Variants in AHRR observed in about 807,000 individuals in gnomAD.
The protein encoded by AHRR is ahR repressor.
Under a neutral mutation model 44.0 loss-of-function variants are expected in AHRR, and 28 were observed. The observed-to-expected ratio is 0.64, with a 90% CI of 0.47 to 0.87. AHRR has a LOEUF of 0.87. AHRR is among the 40% of genes least tolerant of loss of function. AHRR has a pLI of 0.00. For synonymous variants in AHRR, 434 were observed against 407.0 expected (o/e 1.07, Z -0.80); for missense variants, 990 against 953.9 (o/e 1.04, Z -0.50).
At chr5:386,128 T>A (rs1734161574) in intron 4 of AHRR, among the ~76,000 whole-genome samples, 1 of 152,256 alleles carries the variant, frequency 6.6e-6, no homozygotes, top group Non-Finnish European at 1.5e-5. Flanking sequence ...AGTCTTTACC[T>A]TTCCCTCATG....
chr5:403,669 T>C, intron 4 of AHRR: 1 of 633,676 alleles, frequency 1.6e-6, no homozygotes, highest in Non-Finnish European at 2.6e-6. Context: ...CCACTTTAAA[T>C]AGTTAAAATG....
At chr5:348,262 C>T (rs1294765384) in intron 2 of AHRR, among the ~76,000 whole-genome samples, 1 of 152,118 alleles carries the variant, frequency 6.6e-6, no homozygotes, top group African/African-American at 2.4e-5. Context: ...TTCTGGGATT[C>T]CCCGGAGTCC....
chr5:354,879 G>A (rs1321225882), intron 3 of AHRR, among the ~76,000 whole-genome samples: 1 of 152,186 alleles, frequency 6.6e-6, no homozygotes, highest in East Asian at 1.9e-4. Flanking sequence ...CCCCAGGGAA[G>A]GACGTGGCCC....
chr5:334,119 T>A (rs775856289), intron 1 of AHRR, among the ~76,000 whole-genome samples: 7 of 152,116 alleles, frequency 4.6e-5, no homozygotes, highest in Admixed American at 6.5e-5. Context: ...TATAGGTGAC[T>A]AGATGCTTTT....
chr5:431,732 A>T (rs1736743260), intron 8 of AHRR, among the ~76,000 whole-genome samples: 1 of 152,106 alleles, frequency 6.6e-6, no homozygotes, highest in African/African-American at 2.4e-5. Context: ...CATTCTGTGA[A>T]TTCCTCTGCT....
At chr5:353,371 G>C (rs1742925719) in intron 2 of AHRR, among the ~76,000 whole-genome samples, 1 of 152,176 alleles carries the variant, frequency 6.6e-6, no homozygotes, top group Admixed American at 6.5e-5. Flanking sequence ...TGCCCCGCCA[G>C]CCTGGGGCCA....
chr5:374,818 A>AGG (rs1743721471), intron 3 of AHRR, among the ~76,000 whole-genome samples: 1 of 152,184 alleles, frequency 6.6e-6, no homozygotes, highest in South Asian at 2.1e-4. Flanking sequence ...GGCTCCCAGT[A>AGG]TGGCCTTTCT....
intron 3 of AHRR, among the ~76,000 whole-genome samples, chr5:375,447 C>G (rs182059075): frequency 1.2e-4 from 19 of 152,268 alleles, no homozygotes; most frequent in African/African-American, 4.6e-4. Flanking sequence ...CTCCCTAACC[C>G]GCGGAAGTGG....
In AHRR at chr5:427,890, G is replaced by C; in HGVS notation, c.792G>C (p.Leu264=). 5.0e-6 allele frequency: 8 copies of C among 1,614,142 alleles called. No homozygotes were observed. The highest frequency in any genetic ancestry group is 5.9e-6 in the Non-Finnish European group (7 of 1,180,036). The change falls in exon 8 of 11, where the codon CTG becomes CTC. Residue 264 remains leucine (L), a synonymous_variant. Transcript: ENST00000684583. ...CAGGAGCCATGCTCCCGCCGCGGCT[G>C]TCGCTGTTCTGCATTGCGGCACCCG... ...APSGAMLPPR[L]SLFCIAAPVL... is the part of the protein sequence containing the mutation.
chr5:385,203 C>G (rs1734122805), intron 4 of AHRR, among the ~76,000 whole-genome samples: 1 of 151,610 alleles, frequency 6.6e-6, no homozygotes, highest in Admixed American at 6.6e-5. Flanking sequence ...GAGACAGGGT[C>G]TCAACCTGTT....
rs1393046893 is a variant in AHRR, at chr5:382,156, G to A, written c.351+5440G>A. On this transcript the variant is annotated intron_variant, in intron 4 of 10. Transcript: ENST00000684583. ...GTTTTTGTTTGATTTTGATGGGTTT[G>A]AATATCATGGTAACGCTGGCTTCTT... Among the ~76,000 whole-genome samples the A allele has an allele frequency of 2.0e-5, 3 of 152,192 alleles. No individual in the cohort carries two copies. The East Asian group carries it at 5.8e-4, about 29-fold the overall frequency.
rs1735970652 is a variant in AHRR at position 419,426 on chromosome 5, T to TA, written c.442-3300dup. Reference sequence around the variant, plus strand: ...AAGTGATCTGCCCGCCTTGGCCTCCTAAAGTGCTGGGATTACAGGCGTGAA... The same window carrying TA: ...AAGTGATCTGCCCGCCTTGGCCTCCTAAAAGTGCTGGGATTACAGGCGTGAA... On this transcript the variant is annotated intron_variant, in intron 5 of 10. Transcript: ENST00000684583. This position sits in a 1 kb window ranked among gnomAD's most constrained non-coding sequence, Gnocchi z 4.4. Among the ~76,000 whole-genome samples, 1 of 152,120 alleles carries TA rather than the reference T, an allele frequency of 6.6e-6. No homozygotes were observed. The highest frequency in any genetic ancestry group is 2.1e-4 in the South Asian group (1 of 4,830).
At position 434,473 on chromosome 5, in the gene AHRR, C is replaced by CT; in HGVS notation, c.1734dup (p.Arg579SerfsTer63). Reference sequence around the variant, plus strand: ...ATGCACCTGAAAACAGAGCCAGACTCTCGGCAACAGGTGTACATCTCGCAC... The same window carrying CT: ...ATGCACCTGAAAACAGAGCCAGACTCTTCGGCAACAGGTGTACATCTCGCAC... On this transcript the variant is annotated frameshift_variant, in exon 11 of 11. Coordinates refer to ENST00000684583, the MANE Select transcript of AHRR (RefSeq NM_001377236.1). 1 of 1,613,464 alleles carries CT rather than the reference C, an allele frequency of 6.2e-7. No individual in the cohort carries two copies.
At chr5:373,972 G>C (rs1057063852) in intron 3 of AHRR, among the ~76,000 whole-genome samples, 40 of 151,686 alleles carry the variant, frequency 2.6e-4, no homozygotes, top group Non-Finnish European at 4.9e-4. Context: ...GCGATGCCGG[G>C]AGGGGCGCGC....
rs564489553 is a variant in AHRR, at chr5:376,205, C to T, written c.245-405C>T. Among the ~76,000 whole-genome samples the T allele has an allele frequency of 1.2e-3, 159 of 133,494 alleles. No individual in the cohort carries two copies. In the Middle Eastern group the frequency reaches 0.016, roughly 13 times the overall value. The allele number at this position is 133,494 out of a possible 152,430, so 87.6% of individuals were successfully genotyped here. On this transcript the variant is annotated intron_variant, in intron 3 of 10. Coordinates refer to ENST00000684583, the MANE Select transcript of AHRR (RefSeq NM_001377236.1). ...GTGCCGTGGGTCTCAGGGGAGGGGC[C>T]GTAGGGACCTCCTGGGTGGCTTCAG...
intron 8 of AHRR, among the ~76,000 whole-genome samples, chr5:428,866 C>T (rs1197832453): frequency 3.3e-5 from 5 of 152,190 alleles, no homozygotes; most frequent in Non-Finnish European, 7.3e-5. Flanking sequence ...CAGTTCACAA[C>T]AGGGTTCACA....
chr5:422,867 CTG>C lies in AHRR; in HGVS notation c.571+10_571+11del. ...CCCGCCCTTGGAGACAGGTGGGTGT[CTG>C]GGGTCCAAGTGAGTCAGCAAAACCT... On this transcript the variant is annotated intron_variant, in intron 6 of 10. Coordinates refer to ENST00000684583, the MANE Select transcript of AHRR (RefSeq NM_001377236.1). 2 of 1,607,466 alleles carry C rather than the reference CTG, an allele frequency of 1.2e-6. No homozygotes were observed. Among genetic ancestry groups the C allele is most frequent in the Middle Eastern group, 1.7e-4 (1 of 5,996 alleles).
chr5:327,395 C>G (rs1193180869), intron 1 of AHRR, among the ~76,000 whole-genome samples: 1 of 152,226 alleles, frequency 6.6e-6, no homozygotes, highest in Non-Finnish European at 1.5e-5. Context: ...CTCACCCTTC[C>G]AGGTCTCTGT....
intron 7 of AHRR, 48 bp downstream of exon 7, chr5:424,025 T>TTCTA (rs1736261588): frequency 8.9e-6 from 14 of 1,574,092 alleles, no homozygotes; most frequent in Non-Finnish European, 9.4e-6. Flanking sequence ...CTGGGATGCA[T>TTCTA]TCTACCCTGG....
Sources: gnomAD v4.1 joint callset for allele counts (sites outside exome capture counted in the v4.1 genomes callset) on GRCh38, gnomAD v4.1.1 for gene constraint, Gnocchi (gnomAD v3.1) non-coding constraint, MANE v1.5 for transcripts, NCBI Gene and HGNC (gene_info 2026-07-23, HGNC 2026-07-21) for gene names.